The following TBC1D5 variants were observed in gnomAD, a reference collection of about 807,000 sequenced individuals.
TBC1D5 encodes the protein TBC1 domain family, member 5.
A neutral mutation model predicts 100.3 loss-of-function variants in TBC1D5; 75 were observed. The observed-to-expected ratio is 0.75, with a 90% CI of 0.62 to 0.91. The LOEUF is 0.91. Ranked by LOEUF, TBC1D5 falls within the 40% of genes least tolerant of loss-of-function variation. TBC1D5 has a pLI of 0.00. For missense variants in TBC1D5, 910 were observed against 942.4 expected, an observed-to-expected ratio of 0.97 and a Z score of 0.45; for synonymous variants, 323 against 325.6, an observed-to-expected ratio of 0.99 and a Z score of 0.09.
At chr3:17,543,891 CA>C (rs1576616392) in intron 2 of TBC1D5, among the ~76,000 whole-genome samples, 1 of 150,072 alleles carries the variant, frequency 6.7e-6, no homozygotes, top group East Asian at 2.0e-4. Context: ...TTTTTTGAGA[CA>C]GAGTCTTGCT....
intron 4 of TBC1D5, among the ~76,000 whole-genome samples, chr3:17,422,346 G>GTTTTTTTTTTT (rs200102244): frequency 1.4e-5 from 2 of 147,124 alleles, no homozygotes; most frequent in African/African-American, 2.6e-5. Flanking sequence ...TTTGTTTTTT[G>GTTTTTTTTTTT]TTTTTTTGTT....
intron 2 of TBC1D5, among the ~76,000 whole-genome samples, chr3:17,528,195 G>C (rs2096164931): frequency 1.3e-5 from 2 of 152,152 alleles, no homozygotes; most frequent in Non-Finnish European, 1.5e-5. Flanking sequence ...AAAGTGCTGA[G>C]ACTACAGGCG....
intron 1 of TBC1D5, among the ~76,000 whole-genome samples, chr3:17,698,554 A>G (rs1169702207): frequency 1.3e-5 from 2 of 151,064 alleles, no homozygotes; most frequent in African/African-American, 2.4e-5. Flanking sequence ...GGATCTAATT[A>G]AACTAAAGAG....
chr3:17,227,613 C>A (rs1241346100), intron 17 of TBC1D5, among the ~76,000 whole-genome samples: 5 of 151,958 alleles, frequency 3.3e-5, no homozygotes, highest in Non-Finnish European at 5.9e-5. Flanking sequence ...AAACTAAATA[C>A]CACATGTTCT....
At chr3:17,478,721 C>G (rs887110258) in intron 3 of TBC1D5, among the ~76,000 whole-genome samples, 1 of 152,078 alleles carries the variant, frequency 6.6e-6, no homozygotes. Context: ...GTCACAGTAC[C>G]AAGTCTAGAT....
At chr3:17,251,698 T>C (rs1282537675) in intron 16 of TBC1D5, among the ~76,000 whole-genome samples, 4 of 152,202 alleles carry the variant, frequency 2.6e-5, no homozygotes, top group Non-Finnish European at 5.9e-5. Flanking sequence ...ATTTTAGTGA[T>C]AGATTTTCCA....
At chr3:17,477,359 ATT>A (rs2095449795) in intron 3 of TBC1D5, among the ~76,000 whole-genome samples, 1 of 151,976 alleles carries the variant, frequency 6.6e-6, no homozygotes, top group African/African-American at 2.4e-5. Context: ...CTTGACTGAT[ATT>A]GTTACAAAGG....
intron 3 of TBC1D5, among the ~76,000 whole-genome samples, chr3:17,486,182 T>A (rs1271724771): frequency 2.0e-5 from 3 of 152,116 alleles, no homozygotes; most frequent in Admixed American, 2.0e-4. Context: ...CACTTTTTGA[T>A]GGGGTTGTTT....
chr3:17,181,368 G>C (rs1266496212), intron 19 of TBC1D5, among the ~76,000 whole-genome samples: 1 of 152,208 alleles, frequency 6.6e-6, no homozygotes, highest in Non-Finnish European at 1.5e-5. Context: ...TCTTCCCTGA[G>C]AAGAGACAGT....
At chr3:17,730,826 A>C (rs976220689) in intron 1 of TBC1D5, among the ~76,000 whole-genome samples, 2 of 152,146 alleles carry the variant, frequency 1.3e-5, no homozygotes, top group Non-Finnish European at 2.9e-5. Flanking sequence ...AGAAGTATTA[A>C]AGTAAAGATG....
At chr3:17,492,385 T>C (rs1339357665) in intron 3 of TBC1D5, among the ~76,000 whole-genome samples, 3 of 151,970 alleles carry the variant, frequency 2.0e-5, no homozygotes, top group South Asian at 4.3e-4. Context: ...TGTTAGGATG[T>C]TGACTTAAGA....
At chr3:17,219,894 C>G (rs2074087916) in intron 17 of TBC1D5, among the ~76,000 whole-genome samples, 1 of 152,042 alleles carries the variant, frequency 6.6e-6, no homozygotes, top group Non-Finnish European at 1.5e-5. Flanking sequence ...GTTCTTATGA[C>G]TTTATGGAGG....
chr3:17,479,237 A>G (rs1348991704), intron 3 of TBC1D5, among the ~76,000 whole-genome samples: 1 of 152,106 alleles, frequency 6.6e-6, no homozygotes, highest in Non-Finnish European at 1.5e-5. Context: ...CTGTCTCTAC[A>G]AAAATAAATT....
At chr3:17,601,996 AT>A (rs1332113235) in intron 2 of TBC1D5, among the ~76,000 whole-genome samples, 2 of 151,426 alleles carry the variant, frequency 1.3e-5, no homozygotes, top group Non-Finnish European at 2.9e-5. Flanking sequence ...CGCCTGGCTA[AT>A]TTTTTTTGTA....
chr3:17,222,035 G>A (rs551585093), intron 17 of TBC1D5, among the ~76,000 whole-genome samples: 1 of 152,202 alleles, frequency 6.6e-6, no homozygotes, highest in African/African-American at 2.4e-5. Flanking sequence ...CGGACTTACT[G>A]AATGTTGGAT....
At chr3:17,250,962 G>A (rs970406237) in intron 16 of TBC1D5, among the ~76,000 whole-genome samples, 7 of 152,140 alleles carry the variant, frequency 4.6e-5, no homozygotes, top group Admixed American at 2.0e-4. Context: ...ACTAGTAAAA[G>A]AAATGAAAAT....
chr3:17,697,413 G>C (rs1463727500), intron 1 of TBC1D5, among the ~76,000 whole-genome samples: 2 of 152,106 alleles, frequency 1.3e-5, no homozygotes, highest in African/African-American at 4.8e-5. Context: ...AAAGTCTCAG[G>C]ATACAAAATC....
intron 1 of TBC1D5, among the ~76,000 whole-genome samples, chr3:17,720,589 T>G (rs891135764): frequency 4.6e-5 from 7 of 152,102 alleles, no homozygotes; most frequent in African/African-American, 9.7e-5. Context: ...GGAGGATTGC[T>G]TGAGCCCAGG....
At chr3:17,219,328 T>G (rs964264680) in intron 17 of TBC1D5, among the ~76,000 whole-genome samples, 8 of 151,924 alleles carry the variant, frequency 5.3e-5, no homozygotes, top group African/African-American at 1.9e-4. Flanking sequence ...TTCATTCCTT[T>G]AGTTCTTTAG....
Sources: gnomAD v4.1 joint callset for allele counts (sites outside exome capture counted in the v4.1 genomes callset) on GRCh38, gnomAD v4.1.1 for gene constraint, MANE v1.5 for transcripts, NCBI Gene and HGNC (gene_info 2026-07-23, HGNC 2026-07-21) for gene names.